The following FRMD4A variants were observed in gnomAD, a reference collection of about 807,000 sequenced individuals.
FRMD4A encodes FERM domain containing 4A.
In FRMD4A, 29 loss-of-function variants were observed where a neutral mutation model predicts 129.1. The ratio of observed to expected loss-of-function variants is 0.22; its 90% CI spans 0.17 to 0.31. FRMD4A has a LOEUF of 0.31. Ranked by LOEUF, FRMD4A falls within the 10% of genes least tolerant of loss-of-function variation. The pLI is 1.00. For missense variants in FRMD4A, 1,272 were observed against 1,375.8 expected (o/e 0.92, Z 1.19); for synonymous variants, 634 against 571.6 (o/e 1.11, Z -1.56).
intron 2 of FRMD4A, among the ~76,000 whole-genome samples, chr10:13,886,572 T>C (rs1318412483): frequency 2.6e-5 from 4 of 152,150 alleles, no homozygotes; most frequent in Admixed American, 2.6e-4. Context: ...ATTTCTTTCT[T>C]TTTTTTCCTT....
At chr10:13,811,606 A>T (rs986671356) in intron 3 of FRMD4A, among the ~76,000 whole-genome samples, 1 of 151,680 alleles carries the variant, frequency 6.6e-6, no homozygotes, top group Admixed American at 6.6e-5. Context: ...CAGTCTAAAG[A>T]AGCACACCAG....
chr10:13,805,480 T>C lies in FRMD4A; in HGVS notation c.206+5334A>G, dbSNP rs1390962681. 3.9e-5 allele frequency among the ~76,000 whole-genome samples: 6 copies of C among 152,276 alleles called. No individual in the cohort carries two copies. The East Asian group carries it at 9.6e-4, about 24-fold the overall frequency. On this transcript the variant is annotated intron_variant, in intron 4 of 24. Coordinates refer to ENST00000357447, the MANE Select transcript of FRMD4A (RefSeq NM_018027.5). Reference sequence around the variant, plus strand: ...AAAATCAATCACAAAAGATACTTATTTACAGCATTTAACAAGCAATTCTTA... The same window carrying C: ...AAAATCAATCACAAAAGATACTTATCTACAGCATTTAACAAGCAATTCTTA...
chr10:14,116,293 C>T (rs1025461368), intron 2 of FRMD4A, among the ~76,000 whole-genome samples: 2 of 152,174 alleles, frequency 1.3e-5, no homozygotes, highest in East Asian at 3.8e-4. Context: ...CTGGAAACCG[C>T]CACGACAGTT....
chr10:13,924,689 T>C (rs1041596981), intron 2 of FRMD4A, among the ~76,000 whole-genome samples: 8 of 152,262 alleles, frequency 5.3e-5, no homozygotes, highest in South Asian at 4.2e-4. Flanking sequence ...CTACCCTAAG[T>C]CCTCTTAAAA....
At chr10:14,224,352 A>G (rs971476266) in intron 2 of FRMD4A, among the ~76,000 whole-genome samples, 3 of 152,176 alleles carry the variant, frequency 2.0e-5, no homozygotes, top group Admixed American at 6.5e-5. Context: ...TTCCTAGAAC[A>G]CTTGCCACAG....
chr10:13,900,867 A>C (rs2094811889), intron 2 of FRMD4A, among the ~76,000 whole-genome samples: 1 of 152,220 alleles, frequency 6.6e-6, no homozygotes, highest in South Asian at 2.1e-4. Context: ...ACTGTACTCC[A>C]GCCTGGGCGA....
intron 2 of FRMD4A, among the ~76,000 whole-genome samples, chr10:14,009,441 T>A (rs1481846109): frequency 2.0e-5 from 3 of 152,218 alleles, no homozygotes; most frequent in African/African-American, 7.2e-5. Context: ...TTGATACCAC[T>A]CATACGCTCT....
intron 2 of FRMD4A, among the ~76,000 whole-genome samples, chr10:13,864,000 C>G (rs756601202): frequency 1.3e-5 from 2 of 152,078 alleles, no homozygotes; most frequent in Non-Finnish European, 2.9e-5. Context: ...TTCTTTCTCT[C>G]TCTCTCTCTT....
chr10:14,174,420 C>T (rs1658667747), intron 2 of FRMD4A, among the ~76,000 whole-genome samples: 1 of 152,196 alleles, frequency 6.6e-6, no homozygotes. Context: ...CTGTAACAAC[C>T]CACAGGGCAG....
chr10:14,098,112 T>TATATATTATATAAATTATAGATTATATA (rs1837096096), intron 2 of FRMD4A, among the ~76,000 whole-genome samples: 2 of 142,562 alleles, frequency 1.4e-5, no homozygotes, highest in Admixed American at 7.1e-5. Context: ...TATATATAAT[T>TATATATTATATAAATTATAGATTATATA]TATATATATT....
At chr10:14,062,937 C>T (rs547733872) in intron 2 of FRMD4A, among the ~76,000 whole-genome samples, 17 of 152,282 alleles carry the variant, frequency 1.1e-4, no homozygotes, top group African/African-American at 2.4e-4. Context: ...TTTATTCCTC[C>T]GGCTCTCATG....
At chr10:14,156,466 T>C (rs1329667459) in intron 2 of FRMD4A, among the ~76,000 whole-genome samples, 1 of 152,214 alleles carries the variant, frequency 6.6e-6, no homozygotes. Context: ...GCAATATTGT[T>C]TATTTTTATT....
intron 2 of FRMD4A, among the ~76,000 whole-genome samples, chr10:14,098,883 T>C (rs919358360): frequency 4.6e-5 from 7 of 152,226 alleles, no homozygotes; most frequent in African/African-American, 1.7e-4. Context: ...ATATGAACTT[T>C]GGAGTCAATG....
chr10:14,185,504 T>C (rs942465702), intron 2 of FRMD4A, among the ~76,000 whole-genome samples: 1 of 152,134 alleles, frequency 6.6e-6, no homozygotes. Flanking sequence ...TAACTTCAAG[T>C]ATTTTTTGGA....
rs1484738135 is a variant in FRMD4A, at chr10:13,654,452, G to C, written c.3014C>G (p.Pro1005Arg). 5.6e-6 allele frequency: 9 copies of C among 1,609,604 alleles called. No individual in the cohort carries two copies. Among genetic ancestry groups the C allele is most frequent in the Non-Finnish European group, 7.7e-6 (9 of 1,176,198 alleles). The change falls in exon 23 of 25, where the codon CCA becomes CGA. Residue 1005 changes from proline (P) to arginine (R), a missense_variant. This residue lies in a region of FRMD4A where 972 missense variants were observed against 892.3 expected (regional missense o/e 1.09). Coordinates refer to ENST00000357447, the MANE Select transcript of FRMD4A (RefSeq NM_018027.5). ...TPSSEIGATP[P>R]SSPHHILTWQ... The stretch of plus-strand genomic sequence containing the variant: ...GGTTAGGATGTGGTGGGGGCTGCTT[G>C]GGGGGGTGGCTCCAATTTCACTTGA...
At chr10:14,288,943 T>C (rs969493721) in intron 2 of FRMD4A, among the ~76,000 whole-genome samples, 1 of 152,222 alleles carries the variant, frequency 6.6e-6, no homozygotes, top group African/African-American at 2.4e-5. Context: ...TGTTGTTGCA[T>C]ATGACAGGAT....
intron 2 of FRMD4A, among the ~76,000 whole-genome samples, chr10:14,133,540 G>C (rs1035448481): frequency 6.6e-6 from 1 of 152,200 alleles, no homozygotes; most frequent in Non-Finnish European, 1.5e-5. Flanking sequence ...GCCATGGCTG[G>C]TGACAGTCTG....
chr10:14,294,764 G>T (rs1259809436), intron 2 of FRMD4A, among the ~76,000 whole-genome samples: 1 of 152,186 alleles, frequency 6.6e-6, no homozygotes, highest in African/African-American at 2.4e-5. Flanking sequence ...TAAAAAACAC[G>T]AGCTTTATTA....
intron 2 of FRMD4A, among the ~76,000 whole-genome samples, chr10:14,193,722 A>G (rs1842390800): frequency 6.6e-6 from 1 of 151,784 alleles, no homozygotes; most frequent in African/African-American, 2.4e-5. Flanking sequence ...ATATAATATT[A>G]TATAACAAAT....
Sources: gnomAD v4.1 joint callset for allele counts (sites outside exome capture counted in the v4.1 genomes callset) on GRCh38, gnomAD v4.1.1 for gene constraint, gnomAD v4.1.1 regional missense constraint, MANE v1.5 for transcripts, NCBI Gene and HGNC (gene_info 2026-07-23, HGNC 2026-07-21) for gene names.